Variants in SELENOW observed in about 807,000 individuals in gnomAD.
SELENOW encodes selenoprotein W, also known as selenoprotein W, 1.
Under a neutral mutation model 16.6 loss-of-function variants are expected in SELENOW, and 20 were observed. The ratio of observed to expected loss-of-function variants is 1.21; its 90% CI spans 0.85 to 1.76. SELENOW has a LOEUF of 1.76. SELENOW is among the 40% of genes most tolerant of loss of function. The probability of loss-of-function intolerance (pLI) is 0.00; values close to 1 mark genes in which losing one functional copy is unlikely to be tolerated. For synonymous variants in SELENOW, 44 were observed against 46.2 expected (o/e 0.95, Z 0.19); for missense variants, 124 against 111.0 (o/e 1.12, Z -0.53).
intron 1 of SELENOW, chr19:47,780,062 G>A (rs1021498952): frequency 4.4e-6 from 2 of 449,778 alleles, no homozygotes; most frequent in African/African-American, 4.0e-5. Flanking sequence ...CCTGCTGTGG[G>A]GGTTGGGTGA....
intron 5 of SELENOW, chr19:47,783,963 C>A (rs1285880795): frequency 2.0e-5 from 3 of 151,914 alleles, no homozygotes; most frequent in African/African-American, 7.3e-5. Flanking sequence ...GTGGCGCGAT[C>A]TCAGCTCACT....
chr19:47,781,713 A>G (rs376679238), intron 5 of SELENOW, among the ~76,000 whole-genome samples: 19 of 131,038 alleles, frequency 1.4e-4, no homozygotes, highest in East Asian at 1.1e-3. Context: ...TGATGGGTCA[A>G]AGGTATGCAG....
intron 1 of SELENOW, 194 bp downstream of exon 1, chr19:47,779,008 C>G (rs1234698313): frequency 7.1e-6 from 4 of 563,476 alleles, no homozygotes; most frequent in Non-Finnish European, 1.3e-5. Flanking sequence ...CCGTCTTCGA[C>G]TTGTGACACG....
chr19:47,780,209 ACCAGC>A (rs1435102288), intron 1 of SELENOW: 2 of 411,660 alleles, frequency 4.9e-6, no homozygotes, highest in Non-Finnish European at 9.9e-6. Flanking sequence ...GGAGTTCGAG[ACCAGC>A]CTGGCCAACA....
Position 47,778,833 on chromosome 19 carries a change from G to T in SELENOW, c.29+19G>T. ...TTTATTGGTAAGCCCAGCGGCCAGC[G>T]GCCCCCGTCCCCGACCCCCGCCGGG... On this transcript the variant is annotated intron_variant, in intron 1 of 5. Coordinates refer to ENST00000601048, the MANE Select transcript of SELENOW (RefSeq NM_003009.4). 6.3e-7 allele frequency: 1 copy of T among 1,599,184 alleles called. No individual in the cohort carries two copies. Among genetic ancestry groups the T allele is most frequent in the Non-Finnish European group, 8.5e-7 (1 of 1,173,876 alleles).
At position 47,781,323 on chromosome 19, in the gene SELENOW, T is replaced by C. The variant is rs1599936906; in HGVS notation, c.217T>C (p.Phe73Leu). 6.2e-7 allele frequency: 1 copy of C among 1,613,230 alleles called. No individual in the cohort carries two copies. Among genetic ancestry groups the C allele is most frequent in the East Asian group, 2.2e-5 (1 of 44,852 alleles). The stretch of plus-strand genomic sequence containing the variant: ...TGGCTACGTGGACACAGAAAGCAAG[T>C]TTCTGAAGTTGGTGGCCGCCATCAA... ...GDGYVDTESK[F>L]LKLVAAIKAA... Residue 73 changes from phenylalanine (F) to leucine (L), a missense_variant, in exon 5 of 6, where the codon TTT (phenylalanine) becomes CTT (leucine). Physicochemically the swap from Phe to Leu is conservative, Grantham distance 22. Coordinates refer to ENST00000601048, the MANE Select transcript of SELENOW (RefSeq NM_003009.4).
rs753349512 is a variant in SELENOW, at chr19:47,778,811, A to G, written c.26A>G (p.Tyr9Cys). MALAVRVV[Y>C]CGAUGYKSKY... ...ATGGCTCTCGCCGTCCGAGTCGTTT[A>G]TTGGTAAGCCCAGCGGCCAGCGGCC... Residue 9 changes from tyrosine (Y) to cysteine (C), a missense_variant, in exon 1 of 6, where the codon TAT (tyrosine) becomes TGT (cysteine). Coordinates refer to ENST00000601048, the MANE Select transcript of SELENOW (RefSeq NM_003009.4). 36 of 1,578,826 alleles carry G rather than the reference A, an allele frequency of 2.3e-5. No homozygotes were observed. The highest frequency in any genetic ancestry group is 1.7e-4 in the Middle Eastern group (1 of 5,960).
chr19:47,780,492 GTGTGTCCCCGCGCCACCCCCTGTGC>G, intron 1 of SELENOW: 1 of 575,376 alleles, frequency 1.7e-6, no homozygotes, highest in Non-Finnish European at 3.1e-6. Context: ...GTGTGTCTCT[GTGTGTCCCCGCGCCACCCCCTGTGC>G]TGTGTCCCAA....
chr19:47,778,875 C>G (rs1967439088), intron 1 of SELENOW, 61 bp downstream of exon 1: 1 of 1,538,960 alleles, frequency 6.5e-7, no homozygotes, highest in Non-Finnish European at 8.8e-7. Flanking sequence ...TTCTCGGAGC[C>G]GGGGTCAGGG....
chr19:47,778,914 C>G (rs1468625531), intron 1 of SELENOW, 100 bp downstream of exon 1: 6 of 1,275,672 alleles, frequency 4.7e-6, no homozygotes, highest in Non-Finnish European at 6.5e-6. Context: ...CATGGGAGCC[C>G]TTGTATGGGA....
chr19:47,779,110 G>T, intron 1 of SELENOW: 1 of 471,842 alleles, frequency 2.1e-6, no homozygotes. Context: ...GAAGGGGCTG[G>T]GGGTCAGCTT....
intron 4 of SELENOW, 34 bp downstream of exon 4, chr19:47,781,216 G>A: frequency 6.2e-7 from 1 of 1,607,926 alleles, no homozygotes; most frequent in South Asian, 1.1e-5. Context: ...CTGGTTTTGG[G>A]GCTAGCATGG....
At chr19:47,780,314 G>A (rs779931137) in intron 1 of SELENOW, 3 of 362,304 alleles carry the variant, frequency 8.3e-6, no homozygotes, top group Non-Finnish European at 1.1e-5. Flanking sequence ...TGTGGGTGAG[G>A]GTGGTGGGCA....
chr19:47,780,395 C>CCGTCTCT (rs1967459148), intron 1 of SELENOW: 1 of 444,944 alleles, frequency 2.2e-6, no homozygotes, highest in African/African-American at 2.0e-5. Flanking sequence ...TCCCCCGTCC[C>CCGTCTCT]CGTCTCTCGT....
Position 47,780,769 on chromosome 19 carries a change from G to A in SELENOW, c.54+20G>A, listed in dbSNP as rs1163291972. ...TCCAAGGTAAGCAGAGTGGATGCCCGGGGGGCATTCCTGGGAGCTGGGGAG... is the reference window on the plus strand; with the variant it reads ...TCCAAGGTAAGCAGAGTGGATGCCCAGGGGGCATTCCTGGGAGCTGGGGAG... On this transcript the variant is annotated intron_variant, in intron 2 of 5. Coordinates refer to ENST00000601048, the MANE Select transcript of SELENOW (RefSeq NM_003009.4). 21 of 1,482,302 alleles carry A rather than the reference G, an allele frequency of 1.4e-5. No individual in the cohort carries two copies. The highest frequency in any genetic ancestry group is 3.4e-4 in the Middle Eastern group (2 of 5,878). 91.8% of individuals were successfully genotyped at this position (1,482,302 alleles called of 1,614,324 possible). A position where few individuals can be genotyped will look rare whatever the true frequency, so the allele number is the denominator to read the frequency against.
intron 5 of SELENOW, among the ~76,000 whole-genome samples, chr19:47,781,844 G>T (rs1441034091): frequency 7.0e-6 from 1 of 142,814 alleles, no homozygotes; most frequent in Non-Finnish European, 1.5e-5. Flanking sequence ...GCAGGATGAC[G>T]GCTGAGATGG....
intron 5 of SELENOW, chr19:47,783,854 T>C (rs1238914237): frequency 6.6e-6 from 1 of 151,902 alleles, no homozygotes; most frequent in Non-Finnish European, 1.5e-5. Flanking sequence ...CATTGTGGAC[T>C]GTTGCTGTTG....
intron 1 of SELENOW, 161 bp downstream of exon 1, chr19:47,778,975 C>CA (rs1599934585): frequency 1.5e-6 from 1 of 647,576 alleles, no homozygotes; most frequent in Non-Finnish European, 2.6e-6. Flanking sequence ...GGGCGAAAAA[C>CA]AGAGGGCGGT....
intron 1 of SELENOW, 179 bp from the exon 2 acceptor site, chr19:47,780,546 C>T (rs1967461468): frequency 3.2e-6 from 2 of 617,638 alleles, no homozygotes; most frequent in Non-Finnish European, 5.8e-6. Context: ...CTGGCTGGTG[C>T]CTGTCTTCTC....
Sources: allele counts gnomAD v4.1 joint callset (sites outside exome capture counted in the v4.1 genomes callset), GRCh38; gene constraint gnomAD v4.1.1; transcripts MANE v1.5; gene names NCBI Gene and HGNC (gene_info 2026-07-23, HGNC 2026-07-21).